TRIM14: variants seen among roughly 807,000 people sequenced by gnomAD.
TRIM14 encodes tripartite motif containing 14.
A neutral mutation model predicts 44.5 loss-of-function variants in TRIM14; 28 were observed. That is an observed-to-expected ratio of 0.63 (90% CI 0.47 to 0.86). The LOEUF (loss-of-function observed/expected upper bound fraction) is 0.86, where lower values mean the gene tolerates loss of function less well. TRIM14 is among the 40% of genes least tolerant of loss of function. TRIM14 has a pLI of 0.00. For synonymous variants in TRIM14, 299 were observed against 269.2 expected (o/e 1.11, Z -1.08); for missense variants, 607 against 611.1 (o/e 0.99, Z 0.07).
At chr9:98,050,246 C>T in the TRIM14 span, among the ~76,000 whole-genome samples, 2 of 152,192 alleles carry the variant, frequency 1.3e-5, no homozygotes, top group Non-Finnish European at 2.9e-5. Context: ...TATAAGGAGG[C>T]AGCTTTAGGC....
the TRIM14 span, among the ~76,000 whole-genome samples, chr9:98,054,189 A>G: frequency 0.01 from 1,535 of 152,190 alleles, 81 homozygotes; most frequent in Admixed American, 0.087. Flanking sequence ...GGGTTTTCTG[A>G]GTTAGGCCTG....
chr9:98,070,647 C>T (rs1452967177), intron 6 of TRIM14, among the ~76,000 whole-genome samples: 2 of 150,396 alleles, frequency 1.3e-5, no homozygotes, highest in African/African-American at 2.5e-5. Context: ...CTCAAACTCC[C>T]GACCTCAGGT....
the TRIM14 span, among the ~76,000 whole-genome samples, chr9:98,042,216 C>T: frequency 2.7e-5 from 4 of 149,120 alleles, no homozygotes; most frequent in African/African-American, 1.0e-4. Flanking sequence ...TGGCGTGAAC[C>T]CAGGAGGCGG....
the TRIM14 span, among the ~76,000 whole-genome samples, chr9:98,054,427 C>T: frequency 1.3e-5 from 2 of 152,122 alleles, no homozygotes; most frequent in African/African-American, 4.8e-5. Flanking sequence ...GGAGAGTAAA[C>T]CGAGACCCCT....
the TRIM14 span, among the ~76,000 whole-genome samples, chr9:98,059,622 C>T: frequency 1.8e-4 from 27 of 152,088 alleles, no homozygotes; most frequent in African/African-American, 2.7e-4. Context: ...ACTATGTTGC[C>T]GAGGCTGGTC....
chr9:98,047,045 T>C, the TRIM14 span, among the ~76,000 whole-genome samples: 18 of 152,128 alleles, frequency 1.2e-4, no homozygotes, highest in African/African-American at 3.4e-4. Flanking sequence ...CTTTGTTGTG[T>C]CCCCAACTAA....
intron 6 of TRIM14, among the ~76,000 whole-genome samples, chr9:98,077,843 C>T (rs966532462): frequency 1.2e-4 from 18 of 152,328 alleles, no homozygotes; most frequent in African/African-American, 4.3e-4. Context: ...ACCTCACATT[C>T]ATTCACACTC....
At position 98,094,898 on chromosome 9, in the gene TRIM14, T is replaced by C; in HGVS notation, c.669A>G (p.Leu223=). 1 of 1,614,206 alleles carries C rather than the reference T, an allele frequency of 6.2e-7. No individual in the cohort carries two copies. The highest frequency in any genetic ancestry group is 8.5e-7 in the Non-Finnish European group (1 of 1,180,026). Residue 223 remains leucine (L), a synonymous_variant, in exon 4 of 6, where the codon TTA becomes TTG. Coordinates refer to ENST00000341469, the MANE Select transcript of TRIM14 (RefSeq NM_014788.4). ...KGLVEAVEST[L]QTPLDIRLKE... ...TAAGGCGAATGTCCAATGGCGTCTG[T>C]AATGTACTCTCCACGGCTTCCACGA...
intron 6 of TRIM14, chr9:98,077,972 C>T (rs751326995): frequency 3.4e-6 from 2 of 581,898 alleles, no homozygotes; most frequent in African/African-American, 1.9e-5. Flanking sequence ...GTTCCTTTTG[C>T]TCAAGAACAC....
At chr9:98,112,576 A>G (rs1399900383) in intron 1 of TRIM14, among the ~76,000 whole-genome samples, 1 of 151,898 alleles carries the variant, frequency 6.6e-6, no homozygotes, top group African/African-American at 2.4e-5. Context: ...CGAGGCAGGC[A>G]GATCACGAAG....
the TRIM14 span, among the ~76,000 whole-genome samples, chr9:98,046,719 G>A: frequency 3.9e-4 from 59 of 152,164 alleles, 1 homozygote; most frequent in South Asian, 1.0e-2. Context: ...GATTACAGGC[G>A]TGAGCCACTG....
intron 1 of TRIM14, chr9:98,110,190 T>A (rs556118318): frequency 1.5e-4 from 84 of 568,536 alleles, no homozygotes; most frequent in African/African-American, 1.0e-3. Flanking sequence ...ACATCAGGTA[T>A]GCCTCTAATC....
At chr9:98,050,997 C>T in the TRIM14 span, among the ~76,000 whole-genome samples, 4 of 152,164 alleles carry the variant, frequency 2.6e-5, no homozygotes, top group African/African-American at 9.7e-5. Context: ...CGATCTCGAA[C>T]TCCTGGCCTC....
At chr9:98,092,715 A>C (rs535511682) in intron 4 of TRIM14, among the ~76,000 whole-genome samples, 2 of 152,354 alleles carry the variant, frequency 1.3e-5, no homozygotes, top group South Asian at 4.1e-4. Context: ...CCAATCACCA[A>C]GTTTTGGCCA....
chr9:98,067,746 G>C (rs1829190616), downstream of TRIM14, among the ~76,000 whole-genome samples: 1 of 151,676 alleles, frequency 6.6e-6, no homozygotes, highest in African/African-American at 2.4e-5. Flanking sequence ...GTGAGATACG[G>C]TCTTGCTCTG....
Position 98,087,488 on chromosome 9 carries a change from G to T in TRIM14, c.1311C>A (p.Ser437Arg). The part of the protein sequence containing the change: ...PALRLWEGAI[S>R]IPRLP The stretch of plus-strand genomic sequence containing the variant: ...CTGGCCCCTAGGGCAGCCGGGGGAT[G>T]CTGATGGCCCCCTCCCAGAGCCGCA... The change falls in exon 6 of 6, where the codon AGC (serine) becomes AGA (arginine). Residue 437 changes from serine (S) to arginine (R), a missense_variant. This residue lies in a region of TRIM14 where 356 missense variants were observed against 323.0 expected (regional missense o/e 1.10). Coordinates refer to ENST00000341469, the MANE Select transcript of TRIM14 (RefSeq NM_014788.4). 1.2e-6 allele frequency: 2 copies of T among 1,602,736 alleles called. No homozygotes were observed. Among genetic ancestry groups the T allele is most frequent in the Non-Finnish European group, 8.5e-7 (1 of 1,174,266 alleles).
chr9:98,098,703 CA>C (rs940641072), intron 3 of TRIM14, among the ~76,000 whole-genome samples: 1 of 149,862 alleles, frequency 6.7e-6, no homozygotes, highest in African/African-American at 2.5e-5. Flanking sequence ...GACTCCGTCT[CA>C]AAAAAAAAGA....
downstream of TRIM14, chr9:98,080,804 TCCA>T: frequency 6.4e-7 from 1 of 1,557,850 alleles, no homozygotes; most frequent in Admixed American, 1.9e-5. Flanking sequence ...TTTTTCTTTT[TCCA>T]TTTTAAAGGA....
chr9:98,110,413 C>G (rs960493876), intron 1 of TRIM14, among the ~76,000 whole-genome samples: 1 of 152,158 alleles, frequency 6.6e-6, no homozygotes, highest in Non-Finnish European at 1.5e-5. Context: ...GAGTCTGTGA[C>G]CCTCTGGCCC....
Sources: gnomAD v4.1 joint callset for allele counts (sites outside exome capture counted in the v4.1 genomes callset) on GRCh38, gnomAD v4.1.1 for gene constraint, gnomAD v4.1.1 regional missense constraint, MANE v1.5 for transcripts, NCBI Gene and HGNC (gene_info 2026-07-23, HGNC 2026-07-21) for gene names.